TDP1: variants seen among roughly 807,000 people sequenced by gnomAD.
TDP1 encodes the protein tyrosyl-DNA phosphodiesterase 1.
In TDP1, 64 loss-of-function variants were observed where a neutral mutation model predicts 81.5. The ratio of observed to expected loss-of-function variants is 0.79; its 90% CI spans 0.64 to 0.97. The LOEUF (loss-of-function observed/expected upper bound fraction) is 0.97, where lower values mean the gene tolerates loss of function less well. Among genes scored for constraint, TDP1 ranks in the 50% least tolerant of loss-of-function variants. TDP1 has a pLI of 0.00. For missense variants in TDP1, 723 were observed against 743.8 expected (o/e 0.97, Z 0.33); for synonymous variants, 256 against 264.3 (o/e 0.97, Z 0.30).
At chr14:90,015,503 A>C (rs1885205751) in intron 14 of TDP1, among the ~76,000 whole-genome samples, 1 of 152,244 alleles carries the variant, frequency 6.6e-6, no homozygotes, top group African/African-American at 2.4e-5. Flanking sequence ...ACATATCATT[A>C]GTCAGCTTAG....
At chr14:90,019,536 A>C (rs1885720990) in intron 15 of TDP1, 118 bp downstream of exon 15, 1 of 711,550 alleles carries the variant, frequency 1.4e-6, no homozygotes, top group Non-Finnish European at 2.6e-6. Context: ...CGGGATTCTT[A>C]CCCAGAGCCT....
intron 3 of TDP1, chr14:89,965,850 A>AT: frequency 1.0e-6 from 1 of 984,806 alleles, no homozygotes; most frequent in Non-Finnish European, 1.2e-6. Context: ...TCTGAAAAGA[A>AT]TATGTATCAT....
chr14:89,975,681 T>TA, intron 6 of TDP1, 100 bp from the exon 7 acceptor site: 7 of 1,218,714 alleles, frequency 5.7e-6, no homozygotes, highest in South Asian at 3.6e-5. Flanking sequence ...AAAAATAGTT[T>TA]TAAAAAAAAA....
At chr14:89,975,121 G>T (rs1894131811) in intron 6 of TDP1, among the ~76,000 whole-genome samples, 1 of 152,190 alleles carries the variant, frequency 6.6e-6, no homozygotes, top group Non-Finnish European at 1.5e-5. Context: ...TGTCACCCAG[G>T]CTGGAGTGCA....
chr14:89,980,153 T>C (rs1894810224), intron 7 of TDP1: 2 of 985,324 alleles, frequency 2.0e-6, no homozygotes, highest in South Asian at 4.7e-5. Context: ...GTTTAAAAAA[T>C]GCCAGCCATG....
At chr14:89,980,283 G>A (rs1894822198) in intron 7 of TDP1, 1 of 985,430 alleles carries the variant, frequency 1.0e-6, no homozygotes, top group African/African-American at 1.7e-5. Context: ...CTGGAGGGAT[G>A]TGAAGTGCCA....
intron 11 of TDP1, 102 bp downstream of exon 11, chr14:89,989,192 A>AT (rs1895904357): frequency 8.8e-5 from 63 of 713,770 alleles, no homozygotes; most frequent in Middle Eastern, 5.2e-4. Context: ...TTATTCTGTG[A>AT]TTCTTTTTTT....
intron 16 of TDP1, among the ~76,000 whole-genome samples, chr14:90,041,954 G>A (rs1888401681): frequency 6.6e-6 from 1 of 152,146 alleles, no homozygotes; most frequent in Non-Finnish European, 1.5e-5. Context: ...AGTAATCCCT[G>A]CCAGTTGCTA....
At chr14:90,017,545 C>A (rs1885459154) in intron 14 of TDP1, among the ~76,000 whole-genome samples, 2 of 152,118 alleles carry the variant, frequency 1.3e-5, no homozygotes, top group African/African-American at 4.8e-5. Context: ...GGAATAAGCC[C>A]TCAAATCTTG....
chr14:89,972,990 C>A (rs1040257258), intron 6 of TDP1, among the ~76,000 whole-genome samples: 1 of 152,092 alleles, frequency 6.6e-6, no homozygotes, highest in African/African-American at 2.4e-5. Flanking sequence ...CATATTGTAT[C>A]ACTCTTTTTC....
chr14:89,977,382 C>A (rs1894470715), intron 7 of TDP1, among the ~76,000 whole-genome samples: 1 of 152,136 alleles, frequency 6.6e-6, no homozygotes, highest in South Asian at 2.1e-4. Context: ...GTTACAACCT[C>A]CGCCTCCCAG....
intron 14 of TDP1, among the ~76,000 whole-genome samples, chr14:90,016,035 C>A (rs1596649880): frequency 6.6e-6 from 1 of 151,168 alleles, no homozygotes; most frequent in Non-Finnish European, 1.5e-5. Context: ...GAGACAGCAG[C>A]CTTTTTTTTT....
intron 14 of TDP1, among the ~76,000 whole-genome samples, chr14:90,017,677 CTG>C (rs1274055189): frequency 6.6e-6 from 1 of 152,210 alleles, no homozygotes; most frequent in Non-Finnish European, 1.5e-5. Context: ...CATCTAAAAA[CTG>C]AGAAAAACAC....
intron 2 of TDP1, among the ~76,000 whole-genome samples, chr14:89,962,463 G>A (rs900918212): frequency 2.0e-5 from 3 of 152,106 alleles, no homozygotes; most frequent in Non-Finnish European, 2.9e-5. Context: ...AATCCCAAAC[G>A]CTTATTGGAA....
chr14:90,026,100 C>A (rs944138783), intron 15 of TDP1, among the ~76,000 whole-genome samples: 2 of 152,248 alleles, frequency 1.3e-5, no homozygotes, highest in African/African-American at 4.8e-5. Flanking sequence ...TCTACTTTCT[C>A]TTTTCTCTGT....
At chr14:89,971,799 T>G (rs558460745) in intron 6 of TDP1, among the ~76,000 whole-genome samples, 1 of 152,324 alleles carries the variant, frequency 6.6e-6, no homozygotes, top group South Asian at 2.1e-4. Context: ...TGTGGGTTTC[T>G]TTTTGTGAGT....
intron 10 of TDP1, among the ~76,000 whole-genome samples, chr14:89,986,442 G>C (rs1895565978): frequency 6.6e-6 from 1 of 152,228 alleles, no homozygotes; most frequent in Non-Finnish European, 1.5e-5. Context: ...AGTCTTCAGT[G>C]CACATACACA....
chr14:90,038,362 C>A (rs188095563), intron 16 of TDP1, among the ~76,000 whole-genome samples: 22 of 152,260 alleles, frequency 1.4e-4, no homozygotes, highest in Admixed American at 1.4e-3. Context: ...ATGGTCTAAC[C>A]ATTCTCCCAC....
chr14:90,031,887 A>T (rs1887324770), intron 15 of TDP1, among the ~76,000 whole-genome samples: 1 of 152,202 alleles, frequency 6.6e-6, no homozygotes, highest in Admixed American at 6.5e-5. Flanking sequence ...CGCTCCTGCC[A>T]AGTCTAAAAT....
Sources: gnomAD v4.1 joint callset for allele counts (sites outside exome capture counted in the v4.1 genomes callset) on GRCh38, gnomAD v4.1.1 for gene constraint, MANE v1.5 for transcripts, NCBI Gene and HGNC (gene_info 2026-07-23, HGNC 2026-07-21) for gene names.